The following FGF14 variants were observed in gnomAD, a reference collection of about 807,000 sequenced individuals.
FGF14 encodes the protein fibroblast growth factor 14.
In FGF14, 5 loss-of-function variants were observed where a neutral mutation model predicts 25.5. The ratio of observed to expected loss-of-function variants is 0.20; its 90% CI spans 0.10 to 0.41. The LOEUF is 0.41. FGF14 is among the 10% of genes least tolerant of loss of function. The pLI is 1.00. For missense variants in FGF14, 222 were observed against 320.1 expected, an observed-to-expected ratio of 0.69 and a Z score of 2.34; for synonymous variants, 138 against 118.3, an observed-to-expected ratio of 1.17 and a Z score of -1.08.
At chr13:102,272,298 A>G (rs929576462) in intron 1 of FGF14, among the ~76,000 whole-genome samples, 2 of 152,202 alleles carry the variant, frequency 1.3e-5, no homozygotes, top group Non-Finnish European at 2.9e-5. Context: ...ACTCATTCTA[A>G]TAAACCCCTT....
intron 1 of FGF14, among the ~76,000 whole-genome samples, chr13:102,239,836 A>G (rs188118398): frequency 6.6e-6 from 1 of 152,324 alleles, no homozygotes; most frequent in African/African-American, 2.4e-5. Context: ...GAGGACCAGA[A>G]TGTCCTTTTT....
intron 1 of FGF14, among the ~76,000 whole-genome samples, chr13:102,322,132 G>C (rs961394924): frequency 6.6e-6 from 1 of 152,190 alleles, no homozygotes; most frequent in African/African-American, 2.4e-5. Flanking sequence ...TCTAGGAAGA[G>C]CTTAAGCATT....
At chr13:101,830,394 T>G (rs2140277798) in intron 3 of FGF14, among the ~76,000 whole-genome samples, 1 of 152,152 alleles carries the variant, frequency 6.6e-6, no homozygotes, top group East Asian at 1.9e-4. Flanking sequence ...CCCTGGGAAG[T>G]ACAGGTCCCT....
At chr13:102,007,312 A>C (rs549458206) in intron 1 of FGF14, among the ~76,000 whole-genome samples, 1 of 152,280 alleles carries the variant, frequency 6.6e-6, no homozygotes, top group African/African-American at 2.4e-5. Flanking sequence ...ACTGAATATA[A>C]TGCTTTATGT....
chr13:102,386,804 C>A (rs1595025844), intron 1 of FGF14, among the ~76,000 whole-genome samples: 1 of 152,176 alleles, frequency 6.6e-6, no homozygotes, highest in African/African-American at 2.4e-5. Flanking sequence ...CTTTTTCATT[C>A]AAAGTTATGT....
chr13:102,166,573 GT>G, intron 1 of FGF14, among the ~76,000 whole-genome samples: 1 of 152,190 alleles, frequency 6.6e-6, no homozygotes, highest in East Asian at 1.9e-4. Flanking sequence ...AGTTGGTGAT[GT>G]TGCTGTTTAA....
intron 1 of FGF14, among the ~76,000 whole-genome samples, chr13:101,940,397 C>T (rs1219774267): frequency 6.6e-6 from 1 of 152,176 alleles, no homozygotes; most frequent in African/African-American, 2.4e-5. Flanking sequence ...AGAAAAATAT[C>T]CCCTGTGCAC....
chr13:101,729,473 C>T (rs938414286), intron 3 of FGF14, among the ~76,000 whole-genome samples: 1 of 152,134 alleles, frequency 6.6e-6, no homozygotes, highest in Non-Finnish European at 1.5e-5. Context: ...ATAAACATCA[C>T]CTGTGGAGGC....
intron 1 of FGF14, among the ~76,000 whole-genome samples, chr13:102,229,976 A>G (rs1190095179): frequency 6.6e-6 from 1 of 152,180 alleles, no homozygotes; most frequent in Non-Finnish European, 1.5e-5. Flanking sequence ...TCACTGATAT[A>G]CTGCTGTGGT....
At chr13:102,297,455 C>A (rs370520929) in intron 1 of FGF14, among the ~76,000 whole-genome samples, 152 of 152,070 alleles carry the variant, frequency 1.0e-3, no homozygotes, top group African/African-American at 3.5e-3. Context: ...AATATTGATT[C>A]ATTAGTAGTT....
chr13:102,108,669 G>A (rs1238211788), intron 1 of FGF14, among the ~76,000 whole-genome samples: 1 of 152,200 alleles, frequency 6.6e-6, no homozygotes, highest in African/African-American at 2.4e-5. Context: ...ATAGAAATAG[G>A]TATGGATAAT....
chr13:101,999,172 CA>C (rs1348047207), intron 1 of FGF14, among the ~76,000 whole-genome samples: 3 of 152,074 alleles, frequency 2.0e-5, no homozygotes, highest in African/African-American at 7.2e-5. Context: ...TATAATTTAA[CA>C]TTAAAGAAGA....
At chr13:102,134,732 T>C (rs184796256) in intron 1 of FGF14, among the ~76,000 whole-genome samples, 1 of 152,308 alleles carries the variant, frequency 6.6e-6, no homozygotes, top group Non-Finnish European at 1.5e-5. Flanking sequence ...ATGGAGGAAT[T>C]CAAAATTGAG....
intron 1 of FGF14, among the ~76,000 whole-genome samples, chr13:101,907,488 C>T (rs1362998849): frequency 6.6e-6 from 1 of 151,976 alleles, no homozygotes; most frequent in East Asian, 1.9e-4. Flanking sequence ...AAATACTATA[C>T]GGGTAGGATA....
chr13:101,827,016 T>C (rs1384591718), intron 3 of FGF14, among the ~76,000 whole-genome samples: 3 of 152,000 alleles, frequency 2.0e-5, no homozygotes, highest in East Asian at 1.9e-4. Flanking sequence ...TCTTACTTTG[T>C]AGGAAATAAA....
At chr13:102,341,482 A>G (rs2056950227) in intron 1 of FGF14, among the ~76,000 whole-genome samples, 1 of 152,180 alleles carries the variant, frequency 6.6e-6, no homozygotes, top group South Asian at 2.1e-4. Flanking sequence ...CAAAAAACAT[A>G]TAGTTCCTTC....
At chr13:102,362,514 G>A (rs541641574) in intron 1 of FGF14, among the ~76,000 whole-genome samples, 2 of 152,278 alleles carry the variant, frequency 1.3e-5, no homozygotes, top group East Asian at 3.9e-4. Flanking sequence ...AGAGGAGATG[G>A]AAACTTTACT....
At chr13:102,047,421 C>G (rs986250328) in intron 1 of FGF14, among the ~76,000 whole-genome samples, 6 of 151,798 alleles carry the variant, frequency 4.0e-5, no homozygotes, top group Admixed American at 1.3e-4. Flanking sequence ...CTGGCCTGTT[C>G]AGGACAAAAT....
chr13:101,819,975 C>G (rs1042485112), intron 3 of FGF14, among the ~76,000 whole-genome samples: 1 of 152,172 alleles, frequency 6.6e-6, no homozygotes, highest in African/African-American at 2.4e-5. Flanking sequence ...CATCATTTTT[C>G]TCATCTAAGA....
Sources: allele counts gnomAD v4.1 joint callset (sites outside exome capture counted in the v4.1 genomes callset), GRCh38; gene constraint gnomAD v4.1.1; transcripts MANE v1.5; gene names NCBI Gene and HGNC (gene_info 2026-07-23, HGNC 2026-07-21).